MECOM: variants seen among roughly 807,000 people sequenced by gnomAD.
MECOM encodes MDS1 and EVI1 complex locus.
In MECOM, 13 loss-of-function variants were observed where a neutral mutation model predicts 116.3. That is an observed-to-expected ratio of 0.11 (90% CI 0.07 to 0.18). MECOM has a LOEUF of 0.18. MECOM is among the 10% of genes least tolerant of loss of function. The probability of loss-of-function intolerance (pLI) is 1.00; values close to 1 mark genes in which losing one functional copy is unlikely to be tolerated. For missense variants in MECOM, 1,299 were observed against 1,509.0 expected, an observed-to-expected ratio of 0.86 and a Z score of 2.31; for synonymous variants, 528 against 535.2, an observed-to-expected ratio of 0.99 and a Z score of 0.19.
intron 2 of MECOM, among the ~76,000 whole-genome samples, chr3:169,194,412 T>C (rs1276250406): frequency 6.6e-6 from 1 of 151,952 alleles, no homozygotes; most frequent in Non-Finnish European, 1.5e-5. Context: ...CATGTATACA[T>C]ATGTAACAAA....
chr3:169,302,435 C>A (rs1577647444), intron 2 of MECOM, among the ~76,000 whole-genome samples: 1 of 151,870 alleles, frequency 6.6e-6, no homozygotes, highest in Non-Finnish European at 1.5e-5. Context: ...TGGTTTTTCT[C>A]TAAAATAAAA....
intron 2 of MECOM, among the ~76,000 whole-genome samples, chr3:169,208,207 ATGTG>A (rs147356930): frequency 2.8e-4 from 42 of 147,962 alleles, no homozygotes; most frequent in Middle Eastern, 3.5e-3. Flanking sequence ...ATATATATAT[ATGTG>A]TGTGTGTGTG....
chr3:169,455,424 C>T (rs1192837585), intron 1 of MECOM, among the ~76,000 whole-genome samples: 1 of 152,148 alleles, frequency 6.6e-6, no homozygotes, highest in Non-Finnish European at 1.5e-5. Flanking sequence ...GTGATGGCAC[C>T]TGAATCAAGA....
intron 1 of MECOM, among the ~76,000 whole-genome samples, chr3:169,536,453 C>T (rs1343802035): frequency 6.9e-6 from 1 of 144,664 alleles, no homozygotes; most frequent in East Asian, 2.1e-4. Context: ...GACGTTAATT[C>T]AGCAGACCCT....
In MECOM at chr3:169,611,671, T is replaced by C. The variant is rs1769292613; in HGVS notation, c.37+51665A>G. 6.6e-6 allele frequency among the ~76,000 whole-genome samples: 1 copy of C among 152,204 alleles called. No homozygotes were observed. Among genetic ancestry groups the C allele is most frequent in the African/African-American group, 2.4e-5 (1 of 41,448 alleles). ...TGGACCTCAAAATCACTATATATCTTTTTTAAAATATTTTATTTTCCTTAG... is the reference window on the plus strand; with the variant it reads ...TGGACCTCAAAATCACTATATATCTCTTTTAAAATATTTTATTTTCCTTAG... On this transcript the variant is annotated intron_variant, in intron 1 of 16. Coordinates refer to ENST00000651503, the MANE Select transcript of MECOM (RefSeq NM_004991.4). This position sits in a 1 kb window ranked among gnomAD's most constrained non-coding sequence, Gnocchi z 4.1.
chr3:169,601,570 G>C (rs531534006), intron 1 of MECOM, among the ~76,000 whole-genome samples: 3 of 152,140 alleles, frequency 2.0e-5, no homozygotes, highest in Non-Finnish European at 4.4e-5. Flanking sequence ...TAGCTTTACT[G>C]CTAAACTCTC....
intron 2 of MECOM, among the ~76,000 whole-genome samples, chr3:169,163,053 C>T (rs1165573333): frequency 6.6e-6 from 1 of 151,910 alleles, no homozygotes; most frequent in African/African-American, 2.4e-5. Context: ...TAATAAAAAG[C>T]ACAAAACACT....
intron 2 of MECOM, among the ~76,000 whole-genome samples, chr3:169,279,801 C>A (rs1165036228): frequency 2.6e-5 from 4 of 151,974 alleles, no homozygotes; most frequent in Non-Finnish European, 2.9e-5. Flanking sequence ...CTTTTTTTAA[C>A]AAAAACGAAT....
chr3:169,655,468 A>C (rs1394822527), intron 1 of MECOM, among the ~76,000 whole-genome samples: 1 of 152,220 alleles, frequency 6.6e-6, no homozygotes, highest in Non-Finnish European at 1.5e-5. Context: ...ATAACTAGAG[A>C]GTATGCAAAA....
chr3:169,465,079 T>C (rs1302257501), intron 1 of MECOM, among the ~76,000 whole-genome samples: 1 of 152,172 alleles, frequency 6.6e-6, no homozygotes, highest in East Asian at 1.9e-4. Flanking sequence ...AAAATTCTTA[T>C]TACTAACAAA....
chr3:169,570,868 C>G (rs920145301), intron 1 of MECOM, among the ~76,000 whole-genome samples: 1 of 152,110 alleles, frequency 6.6e-6, no homozygotes, highest in Admixed American at 6.5e-5. Context: ...TATGACAAAC[C>G]CACAGTCTAC....
intron 2 of MECOM, among the ~76,000 whole-genome samples, chr3:169,208,613 T>C (rs1420601782): frequency 1.3e-5 from 2 of 151,780 alleles, no homozygotes; most frequent in Non-Finnish European, 2.9e-5. Flanking sequence ...AAAGTAAGGA[T>C]CAAAATATCT....
At position 169,107,947 on chromosome 3, in the gene MECOM, T is replaced by C. The variant is rs1464967675; in HGVS notation, c.2583A>G (p.Gln861=). The C allele has an allele frequency of 6.2e-7, 1 of 1,612,952 alleles. No homozygotes were observed. The highest frequency in any genetic ancestry group is 1.3e-5 in the African/African-American group (1 of 75,012). ...SPGFLFHPQF[Q]LPDQRTWMSA... is the part of the protein sequence containing the mutation. Reference sequence around the variant, plus strand: ...TTACCCAAGTTCTCTGATCAGGCAGTTGGAACTGGGAGCAAAATTGAAACA... The same window carrying C: ...TTACCCAAGTTCTCTGATCAGGCAGCTGGAACTGGGAGCAAAATTGAAACA... The change falls in exon 10 of 17, where the codon CAA becomes CAG. Residue 861 remains glutamine (Q), a synonymous_variant. Coordinates refer to ENST00000651503, the MANE Select transcript of MECOM (RefSeq NM_004991.4).
At chr3:169,201,062 C>T (rs1356702996) in intron 2 of MECOM, among the ~76,000 whole-genome samples, 1 of 152,132 alleles carries the variant, frequency 6.6e-6, no homozygotes, top group East Asian at 1.9e-4. Flanking sequence ...TGAATATGTA[C>T]ATCTGCTCAA....
At chr3:169,660,515 A>C (rs1776145254) in intron 1 of MECOM, among the ~76,000 whole-genome samples, 1 of 152,110 alleles carries the variant, frequency 6.6e-6, no homozygotes, top group African/African-American at 2.4e-5. Context: ...CCAAATCAGG[A>C]CTTAAGACCA....
rs371311071 is a variant in MECOM at position 169,090,260 on chromosome 3, G to C, written c.3165-24C>G. On this transcript the variant is annotated intron_variant, in intron 14 of 16. Coordinates refer to ENST00000651503, the MANE Select transcript of MECOM (RefSeq NM_004991.4). ...TTCTTTCAAAAGCATTAAAAAAAAA[G>C]TCCAATTGTTGGTTTCATTTTTAAA... 9 of 1,560,370 alleles carry C rather than the reference G, an allele frequency of 5.8e-6. No homozygotes were observed. The African/African-American group carries it at 9.7e-5, about 17-fold the overall frequency.
chr3:169,127,751 T>C, intron 5 of MECOM, 93 bp downstream of exon 5: 1 of 1,029,904 alleles, frequency 9.7e-7, no homozygotes. Flanking sequence ...CTCACTGGAG[T>C]TCCAAATTTT....
Position 169,305,604 on chromosome 3 carries a change from G to A in MECOM, c.375+75583C>T, listed in dbSNP as rs553755310. Among the ~76,000 whole-genome samples the A allele has an allele frequency of 7.9e-5, 12 of 152,318 alleles. No homozygotes were observed. In the East Asian group the frequency reaches 9.6e-4, roughly 12 times the overall value. ...AATAAACCTGTCTTACAATGGACAC[G>A]TTGACTGTCAGCACCAAGGCCCAGC... is the stretch of plus-strand genomic sequence containing the variant. On this transcript the variant is annotated intron_variant, in intron 2 of 16. Coordinates refer to ENST00000651503, the MANE Select transcript of MECOM (RefSeq NM_004991.4).
chr3:169,556,192 A>T (rs1200273090), intron 1 of MECOM, among the ~76,000 whole-genome samples: 1 of 152,188 alleles, frequency 6.6e-6, no homozygotes, highest in African/African-American at 2.4e-5. Context: ...AAAGCTACTT[A>T]TTCCTACAAC....
Sources: gnomAD v4.1 joint callset for allele counts (sites outside exome capture counted in the v4.1 genomes callset) on GRCh38, gnomAD v4.1.1 for gene constraint, Gnocchi (gnomAD v3.1) non-coding constraint, MANE v1.5 for transcripts, NCBI Gene and HGNC (gene_info 2026-07-23, HGNC 2026-07-21) for gene names.